Variants in NAA11 observed in about 807,000 individuals in gnomAD.
NAA11 encodes N-alpha-acetyltransferase 11.
In NAA11, 15 loss-of-function variants were observed where a neutral mutation model predicts 16.1. The observed-to-expected ratio is 0.93, with a 90% CI of 0.62 to 1.44. The LOEUF is 1.44. Ranked by LOEUF, NAA11 falls within the 40% of genes most tolerant of loss-of-function variation. NAA11 has a pLI of 0.00. For missense variants in NAA11, 298 were observed against 291.3 expected (o/e 1.02, Z -0.17); for synonymous variants, 122 against 112.4 (o/e 1.09, Z -0.54).
intron 1 of NAA11, among the ~76,000 whole-genome samples, chr4:79,303,079 TATATATA>T (rs1723449903): frequency 2.2e-4 from 3 of 13,362 alleles, no homozygotes; most frequent in African/African-American, 7.2e-4. Context: ...AGGCCTTTTA[TATATATA>T]TATATATATA....
At chr4:79,221,745 A>T (rs199678221), downstream of NAA11, among the ~76,000 whole-genome samples, 9 of 129,054 alleles carry the variant, frequency 7.0e-5, no homozygotes, top group African/African-American at 1.3e-4. Context: ...ATAGTGGATA[A>T]GCTTTTTGAT....
chr4:79,296,734 C>T (rs537307277), intron 1 of NAA11, among the ~76,000 whole-genome samples: 35 of 152,200 alleles, frequency 2.3e-4, no homozygotes, highest in African/African-American at 7.0e-4. Context: ...TTCTTGTCTC[C>T]CAGAAGCCAG....
At chr4:79,189,341 G>A in the NAA11 span, among the ~76,000 whole-genome samples, 2 of 151,936 alleles carry the variant, frequency 1.3e-5, no homozygotes, top group Non-Finnish European at 2.9e-5. Context: ...AAAGAACAAT[G>A]TTGGGGTGTT....
At chr4:79,305,843 T>G (rs1236608759) in intron 1 of NAA11, among the ~76,000 whole-genome samples, 1 of 152,158 alleles carries the variant, frequency 6.6e-6, no homozygotes. Flanking sequence ...GTTTTCATCA[T>G]TTTTTCTACT....
At chr4:79,254,169 A>G (rs1722052129) in intron 2 of NAA11, among the ~76,000 whole-genome samples, 1 of 152,244 alleles carries the variant, frequency 6.6e-6, no homozygotes, top group Non-Finnish European at 1.5e-5. Context: ...TAATTGTATT[A>G]GATTGTACAG....
chr4:79,210,177 T>C, the NAA11 span, among the ~76,000 whole-genome samples: 1 of 151,918 alleles, frequency 6.6e-6, no homozygotes, highest in Non-Finnish European at 1.5e-5. Context: ...AGGGAGTCAG[T>C]GGAGGGTGGC....
intron 2 of NAA11, among the ~76,000 whole-genome samples, chr4:79,262,839 C>A (rs1275263286): frequency 6.6e-6 from 1 of 152,124 alleles, no homozygotes; most frequent in Non-Finnish European, 1.5e-5. Context: ...CAAAGACATG[C>A]AGTTCTCAAG....
At chr4:79,168,033 C>G in the NAA11 span, among the ~76,000 whole-genome samples, 6 of 152,102 alleles carry the variant, frequency 3.9e-5, no homozygotes, top group Admixed American at 3.9e-4. Flanking sequence ...CCCCTACCCC[C>G]CAACAGGCCC....
At chr4:79,297,743 C>T (rs1158552458) in intron 1 of NAA11, among the ~76,000 whole-genome samples, 4 of 152,194 alleles carry the variant, frequency 2.6e-5, no homozygotes, top group East Asian at 1.9e-4. Context: ...GGCAGCTCGG[C>T]GCTGGCCTGC....
chr4:79,200,840 C>T, the NAA11 span, among the ~76,000 whole-genome samples: 1 of 151,624 alleles, frequency 6.6e-6, no homozygotes, highest in South Asian at 2.1e-4. Flanking sequence ...GGGTTTTTTT[C>T]CTAGCTCATG....
intron 1 of NAA11, among the ~76,000 whole-genome samples, chr4:79,310,821 G>A (rs115826816): frequency 1.4e-4 from 21 of 152,278 alleles, no homozygotes; most frequent in Admixed American, 4.6e-4. Flanking sequence ...TTTATTGACC[G>A]ATAGATTTAA....
the NAA11 span, among the ~76,000 whole-genome samples, chr4:79,203,721 T>C: frequency 1.4e-4 from 21 of 151,560 alleles, no homozygotes; most frequent in Middle Eastern, 3.4e-3. Flanking sequence ...TTCAAAAATA[T>C]TAAAAATATC....
At chr4:79,259,704 A>G (rs894285757) in intron 2 of NAA11, among the ~76,000 whole-genome samples, 1 of 152,236 alleles carries the variant, frequency 6.6e-6, no homozygotes, top group Non-Finnish European at 1.5e-5. Context: ...AATTTGCATC[A>G]TATTATCTTA....
the NAA11 span, among the ~76,000 whole-genome samples, chr4:79,186,120 T>C: frequency 6.6e-6 from 1 of 152,170 alleles, no homozygotes; most frequent in African/African-American, 2.4e-5. Flanking sequence ...TTCAGGTCAG[T>C]TGCTGTTCAG....
At chr4:79,273,832 C>T (rs2109982536) in intron 2 of NAA11, among the ~76,000 whole-genome samples, 1 of 152,182 alleles carries the variant, frequency 6.6e-6, no homozygotes, top group East Asian at 1.9e-4. Context: ...ATTCTTTCAT[C>T]AGGCTATTTG....
chr4:79,217,446 C>A, the NAA11 span, among the ~76,000 whole-genome samples: 2 of 152,120 alleles, frequency 1.3e-5, no homozygotes. Context: ...CCTTCTACTA[C>A]TATTATTTGG....
chr4:79,307,935 C>A (rs1723637461), intron 1 of NAA11, among the ~76,000 whole-genome samples: 1 of 152,080 alleles, frequency 6.6e-6, no homozygotes, highest in South Asian at 2.1e-4. Flanking sequence ...TTCCATATAT[C>A]CAAATAAATT....
intron 2 of NAA11, among the ~76,000 whole-genome samples, chr4:79,253,564 A>G (rs1253095108): frequency 1.3e-5 from 2 of 152,172 alleles, no homozygotes; most frequent in African/African-American, 4.8e-5. Flanking sequence ...TGAGAGAGAG[A>G]GAGAACTAAA....
chr4:79,272,113 A>G, intron 2 of NAA11, among the ~76,000 whole-genome samples: 1 of 151,922 alleles, frequency 6.6e-6, no homozygotes, highest in African/African-American at 2.4e-5. Context: ...ATATACATAT[A>G]TACTATGCTA....
Sources: gnomAD v4.1 joint callset for allele counts (sites outside exome capture counted in the v4.1 genomes callset) on GRCh38, gnomAD v4.1.1 for gene constraint, MANE v1.5 for transcripts, NCBI Gene and HGNC (gene_info 2026-07-23, HGNC 2026-07-21) for gene names.